The following CR1 variants were observed in gnomAD, a reference collection of about 807,000 sequenced individuals.
The protein encoded by CR1 is complement C3b/C4b receptor 1 (Knops blood group).
A neutral mutation model predicts 187.3 loss-of-function variants in CR1; 116 were observed. The observed-to-expected ratio is 0.62, with a 90% CI of 0.53 to 0.72. CR1 has a LOEUF of 0.72. Ranked by LOEUF, CR1 falls within the 30% of genes least tolerant of loss-of-function variation. CR1 has a pLI of 0.00. For synonymous variants in CR1, 576 were observed against 747.1 expected (o/e 0.77, Z 3.73); for missense variants, 1,731 against 2,110.7 (o/e 0.82, Z 3.52).
At chr1:207,613,601 T>A (rs576897069) in intron 39 of CR1, among the ~76,000 whole-genome samples, 2 of 152,098 alleles carry the variant, frequency 1.3e-5, no homozygotes, top group Non-Finnish European at 2.9e-5. Context: ...CCTGCTTCTA[T>A]CAGTTTCAAG....
In CR1 at chr1:207,581,196, G is replaced by A. The variant is rs185808489; in HGVS notation, c.5216+583G>A. Among the ~76,000 whole-genome samples the A allele has an allele frequency of 3.3e-4, 50 of 149,426 alleles. No individual in the cohort carries two copies. The East Asian group carries it at 7.7e-3, about 23-fold the overall frequency. ...TATACATATGTGTATACATGGACACGTATATGTAGACGTATACATATGGAC... is the reference window on the plus strand; with the variant it reads ...TATACATATGTGTATACATGGACACATATATGTAGACGTATACATATGGAC... On this transcript the variant is annotated intron_variant, in intron 31 of 46. Transcript: ENST00000367049.
chr1:207,620,014 C>T lies in CR1; in HGVS notation c.7201C>T (p.Gln2401Ter), dbSNP rs1662268046. The change falls in exon 43 of 47, where the codon CAG (glutamine) becomes TAG (stop). Residue 2401 changes from glutamine (Q) to a stop codon, truncating the protein, a stop_gained. Transcript: ENST00000367049. LOFTEE classifies it high-confidence loss of function. ...GYTLEGSPWS[Q>*]CQADDRWDPP... ...TACTCTGGAAGGCAGTCCCTGGAGCCAGTGCCAGGCGGATGACAGATGGGA... is the reference window on the plus strand; with the variant it reads ...TACTCTGGAAGGCAGTCCCTGGAGCTAGTGCCAGGCGGATGACAGATGGGA... 6.2e-7 allele frequency: 1 copy of T among 1,613,640 alleles called. No individual in the cohort carries two copies. Among genetic ancestry groups the T allele is most frequent in the Admixed American group, 1.7e-5 (1 of 59,940 alleles).
chr1:207,618,013 A>C, intron 41 of CR1, 58 bp from the exon 42 acceptor site: 2 of 1,561,046 alleles, frequency 1.3e-6, no homozygotes, highest in Non-Finnish European at 1.7e-6. Context: ...TCATGTATTC[A>C]TATGTCTATG....
chr1:207,611,259 C>T (rs571787512), intron 37 of CR1, among the ~76,000 whole-genome samples: 4 of 152,216 alleles, frequency 2.6e-5, no homozygotes, highest in Admixed American at 2.6e-4. Context: ...ATGAAGAATA[C>T]GTGAAGGTGT....
At chr1:207,597,241 A>G (rs1306023250) in intron 35 of CR1, among the ~76,000 whole-genome samples, 1 of 152,178 alleles carries the variant, frequency 6.6e-6, no homozygotes, top group African/African-American at 2.4e-5. Context: ...AAAGAACACT[A>G]TAAGATCAAA....
At position 207,630,625 on chromosome 1, in the gene CR1, C is replaced by A; in HGVS notation, c.7457+4C>A. 2 of 1,561,486 alleles carry A rather than the reference C, an allele frequency of 1.3e-6. No individual in the cohort carries two copies. The highest frequency in any genetic ancestry group is 1.7e-6 in the Non-Finnish European group (2 of 1,153,384). On this transcript the variant is annotated splice_donor_region_variant and intron_variant, in intron 46 of 46. Coordinates refer to ENST00000367049, the MANE Select transcript of CR1 (RefSeq NM_000651.6). ...AAACAAATGAAGAAAATAGCAGGTA[C>A]CTATATACATACTGAATTCAAAATG...
chr1:207,636,134 C>G (rs1662805994), intron 46 of CR1, among the ~76,000 whole-genome samples: 1 of 151,892 alleles, frequency 6.6e-6, no homozygotes, highest in East Asian at 1.9e-4. Flanking sequence ...TGGTTGCTGT[C>G]TCTTTGGAGC....
At position 207,614,387 on chromosome 1, in the gene CR1, AC is replaced by A; in HGVS notation, c.6576-16del. On this transcript the variant is annotated splice_polypyrimidine_tract_variant and intron_variant, in intron 39 of 46. Coordinates refer to ENST00000367049, the MANE Select transcript of CR1 (RefSeq NM_000651.6). ...GGGAATTGCTCACACATTTGCTACC[AC>A]TTTTTTTTTCTTTAGGTTCCGATTA... The A allele has an allele frequency of 6.3e-7, 1 of 1,592,776 alleles. No individual in the cohort carries two copies. Among genetic ancestry groups the A allele is most frequent in the Non-Finnish European group, 8.6e-7 (1 of 1,163,070 alleles).
At chr1:207,577,088 TA>T in intron 28 of CR1, among the ~76,000 whole-genome samples, 1 of 152,022 alleles carries the variant, frequency 6.6e-6, no homozygotes, top group Admixed American at 6.6e-5. Context: ...CCATCTCTAC[TA>T]AAAATACAAA....
intron 32 of CR1, among the ~76,000 whole-genome samples, chr1:207,582,429 G>A (rs1660985643): frequency 6.6e-6 from 1 of 152,126 alleles, no homozygotes; most frequent in Non-Finnish European, 1.5e-5. Context: ...GGGAACTGGG[G>A]ATATACCTAT....
chr1:207,629,521 G>A (rs936016131), intron 45 of CR1, among the ~76,000 whole-genome samples: 1 of 152,128 alleles, frequency 6.6e-6, no homozygotes, highest in African/African-American at 2.4e-5. Context: ...TGCCTTCCCT[G>A]TCCTGTGAAA....
chr1:207,631,412 A>G (rs906036675), intron 46 of CR1, among the ~76,000 whole-genome samples: 2 of 152,156 alleles, frequency 1.3e-5, no homozygotes, highest in African/African-American at 4.8e-5. Context: ...TTATACTACA[A>G]CAGCAGAGCT....
intron 28 of CR1, among the ~76,000 whole-genome samples, chr1:207,577,356 C>G (rs888707774): frequency 6.6e-6 from 1 of 151,712 alleles, no homozygotes; most frequent in Non-Finnish European, 1.5e-5. Context: ...CATTTTAAAA[C>G]TATAAGAACA....
intron 24 of CR1, among the ~76,000 whole-genome samples, chr1:207,567,233 T>C (rs1660528599): frequency 1.3e-5 from 2 of 149,224 alleles, no homozygotes; most frequent in Admixed American, 6.6e-5. Flanking sequence ...CCTAGACATT[T>C]TCAAAAGCAA....
intron 45 of CR1, among the ~76,000 whole-genome samples, chr1:207,625,018 T>C (rs1305706163): frequency 1.3e-5 from 2 of 152,204 alleles, no homozygotes; most frequent in South Asian, 2.1e-4. Context: ...TTACTTATGG[T>C]CCATTCCTTG....
chr1:207,632,583 C>G (rs974529149), intron 46 of CR1, among the ~76,000 whole-genome samples: 1 of 152,088 alleles, frequency 6.6e-6, no homozygotes, highest in African/African-American at 2.4e-5. Flanking sequence ...GTCAGGAGAT[C>G]GAGGCCATTC....
At chr1:207,592,014 G>A (rs1661286850) in intron 35 of CR1, among the ~76,000 whole-genome samples, 1 of 152,124 alleles carries the variant, frequency 6.6e-6, no homozygotes, top group African/African-American at 2.4e-5. Flanking sequence ...CCTACCAGAG[G>A]TACAAAGAGG....
chr1:207,582,298 T>C (rs1192757198), intron 32 of CR1, among the ~76,000 whole-genome samples: 2 of 152,214 alleles, frequency 1.3e-5, no homozygotes, highest in Admixed American at 6.5e-5. Context: ...TCTTCTTTCC[T>C]GTCAAAAGTA....
Position 207,565,894 on chromosome 1 carries a change from T to C in CR1, c.3923T>C (p.Leu1308Pro). 1 of 1,611,050 alleles carries C rather than the reference T, an allele frequency of 6.2e-7. No homozygotes were observed. The highest frequency in any genetic ancestry group is 2.2e-5 in the East Asian group (1 of 44,880). The stretch of plus-strand genomic sequence containing the variant: ...TGTGTCTTGGCTGGAATGGAAAGCC[T>C]TTGGAATAGCAGTGTTCCAGTGTGT... The part of the protein sequence containing the change: ...SYCVLAGMES[L>P]WNSSVPVCEQ... The change falls in exon 24 of 47, where the codon CTT becomes CCT. Residue 1308 changes from leucine (L) to proline (P), a missense_variant. By Grantham distance (98) the Leu-to-Pro change is moderately conservative (BLOSUM62 -3). Coordinates refer to ENST00000367049, the MANE Select transcript of CR1 (RefSeq NM_000651.6).
Sources: allele counts gnomAD v4.1 joint callset (sites outside exome capture counted in the v4.1 genomes callset), GRCh38; gene constraint gnomAD v4.1.1; transcripts MANE v1.5; gene names NCBI Gene and HGNC (gene_info 2026-07-23, HGNC 2026-07-21).